The following RAD50 variants were observed in gnomAD, a reference collection of about 807,000 sequenced individuals.
RAD50 encodes DNA repair protein RAD50.
In RAD50, 132 loss-of-function variants were observed where a neutral mutation model predicts 168.8. That is an observed-to-expected ratio of 0.78 (90% CI 0.68 to 0.90). The LOEUF is 0.90. RAD50 is among the 40% of genes least tolerant of loss of function. RAD50 has a pLI of 0.00. For synonymous variants in RAD50, 525 were observed against 497.4 expected (o/e 1.06, Z -0.74); for missense variants, 1,347 against 1,534.4 (o/e 0.88, Z 2.04).
At position 132,643,428 on chromosome 5, in the gene RAD50, CAG is replaced by C. The variant is rs1751778561; in HGVS notation, c.*1067_*1068del. 1 of 236,208 alleles carries C rather than the reference CAG, an allele frequency of 4.2e-6. No individual in the cohort carries two copies. The highest frequency in any genetic ancestry group is 1.5e-4 in the South Asian group (1 of 6,610). 14.6% of individuals were successfully genotyped at this position (236,208 alleles called of 1,614,324 possible). On this transcript the variant is annotated 3_prime_UTR_variant, in exon 25 of 25. Transcript: ENST00000378823. ...TTATGCTTTGTAGAGTTTTGTCATT[CAG>C]AGTCAGCCAGGACCATACCGGGTCT...
chr5:132,571,267 T>C (rs1282542039), intron 2 of RAD50, among the ~76,000 whole-genome samples: 1 of 151,792 alleles, frequency 6.6e-6, no homozygotes, highest in Non-Finnish European at 1.5e-5. Context: ...ATGGCACCGA[T>C]AGACTTGTTA....
At chr5:132,587,481 C>G (rs1750612785) in intron 5 of RAD50, 81 bp from the exon 6 acceptor site, 2 of 1,566,778 alleles carry the variant, frequency 1.3e-6, no homozygotes, top group Non-Finnish European at 1.7e-6. Flanking sequence ...ATGCCTGGAC[C>G]TGGAGTATCT....
intron 2 of RAD50, among the ~76,000 whole-genome samples, chr5:132,567,872 AC>A (rs1429005661): frequency 6.6e-6 from 1 of 152,022 alleles, no homozygotes; most frequent in Non-Finnish European, 1.5e-5. Flanking sequence ...CTAGAACAAA[AC>A]TCAAGACTTT....
chr5:132,584,873 C>T (rs571873419), intron 5 of RAD50, among the ~76,000 whole-genome samples: 2 of 143,218 alleles, frequency 1.4e-5, no homozygotes, highest in Non-Finnish European at 3.0e-5. Context: ...CATGTTCTCA[C>T]TCATAGGTGG....
chr5:132,615,685 A>G lies in RAD50; in HGVS notation c.3037-318A>G, dbSNP rs1272034477. On this transcript the variant is annotated intron_variant, in intron 19 of 24. Transcript: ENST00000378823. Reference sequence around the variant, plus strand: ...TGTATGTTTTTAATACTTTATAAGTAAATAAGTACACAGATATATGCTCAA... The same window carrying G: ...TGTATGTTTTTAATACTTTATAAGTGAATAAGTACACAGATATATGCTCAA... Among the ~76,000 whole-genome samples the G allele has an allele frequency of 2.0e-5, 3 of 152,234 alleles. No homozygotes were observed. In the East Asian group the frequency reaches 5.8e-4, roughly 29 times the overall value.
chr5:132,625,068 C>T (rs1326155463), intron 21 of RAD50, among the ~76,000 whole-genome samples: 1 of 151,770 alleles, frequency 6.6e-6, no homozygotes, highest in Non-Finnish European at 1.5e-5. Context: ...CTGAACACTA[C>T]AGATGTCCAG....
intron 2 of RAD50, among the ~76,000 whole-genome samples, chr5:132,566,977 C>T (rs1750220651): frequency 6.6e-6 from 1 of 152,206 alleles, no homozygotes; most frequent in African/African-American, 2.4e-5. Flanking sequence ...TTATCCTGTG[C>T]TTATGATGGT....
chr5:132,640,724 A>G lies in RAD50; in HGVS notation c.3671A>G (p.Asn1224Ser), dbSNP rs756860186. 89 of 1,614,094 alleles carry G rather than the reference A, an allele frequency of 5.5e-5. No individual in the cohort carries two copies. Among genetic ancestry groups the G allele is most frequent in the Non-Finnish European group, 7.0e-5 (83 of 1,180,024 alleles). ...GCCCTGGCTGAAACGTTCTGCCTCA[A>G]CTGTGGCATCATTGCCTTGGATGAG... ...RLALAETFCL[N>S]CGIIALDEPT... Residue 1224 changes from asparagine (N) to serine (S), a missense_variant, in exon 24 of 25, where the codon AAC (asparagine) becomes AGC (serine). Coordinates refer to ENST00000378823, the MANE Select transcript of RAD50 (RefSeq NM_005732.4).
chr5:132,575,740 A>G, intron 2 of RAD50, 37 bp from the exon 3 acceptor site: 1 of 1,547,818 alleles, frequency 6.5e-7, no homozygotes. Context: ...GGTGCTTATT[A>G]AAGTAACATA....
chr5:132,595,921 C>T, intron 13 of RAD50, 111 bp downstream of exon 13: 1 of 921,482 alleles, frequency 1.1e-6, no homozygotes, highest in Non-Finnish European at 1.8e-6. Context: ...GCTGGTATGC[C>T]CTGTCTTATA....
chr5:132,604,537 G>T (rs1750947092), intron 15 of RAD50, among the ~76,000 whole-genome samples: 1 of 152,098 alleles, frequency 6.6e-6, no homozygotes, highest in South Asian at 2.1e-4. Context: ...AAAGTGCTGG[G>T]ATTACAAGTG....
chr5:132,591,339 A>T lies in RAD50; in HGVS notation c.1568A>T (p.Gln523Leu). 1 of 1,614,036 alleles carries T rather than the reference A, an allele frequency of 6.2e-7. No homozygotes were observed. The highest frequency in any genetic ancestry group is 8.5e-7 in the Non-Finnish European group (1 of 1,179,916). Reference sequence around the variant, plus strand: ...GACAGGACCCTGCGTAAACTTGACCAGGAGATGGAGCAGTTAAACCATCAT... The same window carrying T: ...GACAGGACCCTGCGTAAACTTGACCTGGAGATGGAGCAGTTAAACCATCAT... ...DLDRTLRKLD[Q>L]EMEQLNHHTT... is the part of the protein sequence containing the mutation. Residue 523 changes from glutamine to leucine, a missense_variant, in exon 10 of 25, where the codon CAG (glutamine) becomes CTG (leucine). Gln to Leu is a moderately radical substitution (Grantham distance 113, BLOSUM62 -2). Transcript: ENST00000378823.
At chr5:132,636,058 GTAGCATTATAT>G (rs1179144132) in intron 21 of RAD50, among the ~76,000 whole-genome samples, 1 of 152,202 alleles carries the variant, frequency 6.6e-6, no homozygotes, top group Non-Finnish European at 1.5e-5. Flanking sequence ...TACAGAGGCA[GTAGCATTATAT>G]TCAGTTTCTT....
chr5:132,589,548 A>T, intron 8 of RAD50, 83 bp from the exon 9 acceptor site: 2 of 1,084,446 alleles, frequency 1.8e-6, no homozygotes, highest in Non-Finnish European at 2.6e-6. Flanking sequence ...TATTTTCTTC[A>T]GTGTACATAT....
chr5:132,616,065 AGTT>A lies in RAD50; in HGVS notation c.3101_3103del (p.Val1034del). 1 of 1,611,236 alleles carries A rather than the reference AGTT, an allele frequency of 6.2e-7. No individual in the cohort carries two copies. Among genetic ancestry groups the A allele is most frequent in the South Asian group, 1.1e-5 (1 of 90,946 alleles). On this transcript the variant is annotated inframe_deletion, in exon 20 of 25. Coordinates refer to ENST00000378823, the MANE Select transcript of RAD50 (RefSeq NM_005732.4). ...GAAAAAGAAATGAGGAACTAAAAGA[AGTT>A]GAAGAAGAAAGAAAACAACATTTGA...
chr5:132,628,315 T>C (rs1751402919), intron 21 of RAD50, among the ~76,000 whole-genome samples: 1 of 152,118 alleles, frequency 6.6e-6, no homozygotes, highest in African/African-American at 2.4e-5. Context: ...TGTTTGCAAA[T>C]CCAGTAAATA....
At position 132,586,994 on chromosome 5, in the gene RAD50, C is replaced by G. The variant is rs556242710; in HGVS notation, c.757-568C>G. 1.1e-4 allele frequency among the ~76,000 whole-genome samples: 17 copies of G among 152,172 alleles called. No homozygotes were observed. In the East Asian group the frequency reaches 1.9e-3, roughly 17 times the overall value. The stretch of plus-strand genomic sequence containing the variant: ...CCAGCATCATCCAATAAGAGAATGC[C>G]CCGAACCAGATCCCAGTATTCCTGG... On this transcript the variant is annotated intron_variant, in intron 5 of 24. Transcript: ENST00000378823.
At chr5:132,579,271 C>T (rs2149837657) in intron 3 of RAD50, 46 bp from the exon 4 acceptor site, 1 of 1,562,106 alleles carries the variant, frequency 6.4e-7, no homozygotes, top group Non-Finnish European at 8.8e-7. Context: ...AGAATAGATA[C>T]ACTGAAGGTT....
chr5:132,644,164 T>A lies in RAD50; in HGVS notation c.*1800T>A, dbSNP rs1751801649. The A allele has an allele frequency of 5.5e-6, 1 of 182,032 alleles. No individual in the cohort carries two copies. The highest frequency in any genetic ancestry group is 2.4e-5 in the African/African-American group (1 of 42,516). 11.3% of individuals were successfully genotyped at this position (182,032 alleles called of 1,614,324 possible). On this transcript the variant is annotated 3_prime_UTR_variant, in exon 25 of 25. Coordinates refer to ENST00000378823, the MANE Select transcript of RAD50 (RefSeq NM_005732.4). Reference sequence around the variant, plus strand: ...TATAGGCAGTGAAACAAAAGTATCATTTGCAAGTTAAAACAGACTTCCCAA... The same window carrying A: ...TATAGGCAGTGAAACAAAAGTATCAATTGCAAGTTAAAACAGACTTCCCAA...
Sources: allele counts gnomAD v4.1 joint callset (sites outside exome capture counted in the v4.1 genomes callset), GRCh38; gene constraint gnomAD v4.1.1; transcripts MANE v1.5; gene names NCBI Gene and HGNC (gene_info 2026-07-23, HGNC 2026-07-21).